Variants in PRKCH observed in about 807,000 individuals in gnomAD.
The protein encoded by PRKCH is protein kinase C eta.
PRKCH carries 28 observed loss-of-function variants against 82.5 expected under a neutral mutation model. The ratio of observed to expected loss-of-function variants is 0.34; its 90% CI spans 0.25 to 0.47. The LOEUF (loss-of-function observed/expected upper bound fraction) is 0.47. PRKCH is among the 20% of genes least tolerant of loss of function. The pLI is 1.00. For missense variants in PRKCH, 705 were observed against 881.8 expected, an observed-to-expected ratio of 0.80 and a Z score of 2.54; for synonymous variants, 322 against 327.4, an observed-to-expected ratio of 0.98 and a Z score of 0.18.
In PRKCH at chr14:61,291,599, G is replaced by A. The variant is rs2045363330; in HGVS notation, c.-19+103931G>A. Among the ~76,000 whole-genome samples, 5 of 152,008 alleles carry A rather than the reference G, an allele frequency of 3.3e-5. No individual in the cohort carries two copies. The South Asian group carries it at 1.0e-3, about 32-fold the overall frequency. On this transcript the variant is annotated intron_variant, in intron 1 of 3. Coordinates refer to the PRKCH transcript ENST00000555185. ...CCCGCCTCGGCCTCCCAAAGTGCTG[G>A]GATTACAGGCGTGAGCCACCATGCC...
At chr14:61,269,042 GA>G (rs1391041717) in intron 1 of PRKCH, among the ~76,000 whole-genome samples, 7 of 152,158 alleles carry the variant, frequency 4.6e-5, no homozygotes, top group African/African-American at 1.4e-4. Context: ...TTGGTGAAAA[GA>G]AAAAAAGTGG....
At chr14:61,538,573 C>T (rs534682084) in intron 12 of PRKCH, among the ~76,000 whole-genome samples, 4 of 152,290 alleles carry the variant, frequency 2.6e-5, no homozygotes, top group African/African-American at 7.2e-5. Context: ...ATAGAGTACT[C>T]ATGCTGCATG....
Position 61,420,451 on chromosome 14 carries a change from G to A in PRKCH, c.428-22660G>A, listed in dbSNP as rs1025694938. Among the ~76,000 whole-genome samples the A allele has an allele frequency of 5.9e-5, 9 of 152,172 alleles. No individual in the cohort carries two copies. The East Asian group carries it at 1.5e-3, about 26-fold the overall frequency. On this transcript the variant is annotated intron_variant, in intron 2 of 13. Coordinates refer to ENST00000332981, the MANE Select transcript of PRKCH (RefSeq NM_006255.5). ...CACTATGTGAGTCACCCTCACCTGC[G>A]GGGAGACGCATAGGCTCAGGGAGGG...
chr14:61,246,767 T>C (rs1226763935), intron 1 of PRKCH, among the ~76,000 whole-genome samples: 1 of 152,178 alleles, frequency 6.6e-6, no homozygotes, highest in Non-Finnish European at 1.5e-5. Flanking sequence ...TTTATTATTT[T>C]TATAGAGACA....
intron 1 of PRKCH, among the ~76,000 whole-genome samples, chr14:61,371,314 A>T (rs557588696): frequency 6.6e-6 from 1 of 152,164 alleles, no homozygotes; most frequent in East Asian, 1.9e-4. Context: ...ATGATACATT[A>T]TTACTAATTA....
chr14:61,221,085 C>T (rs1158774415), intron 1 of PRKCH, among the ~76,000 whole-genome samples: 1 of 151,942 alleles, frequency 6.6e-6, no homozygotes, highest in African/African-American at 2.4e-5. Flanking sequence ...AAATTTAGGA[C>T]AAAGGTGGGG....
intron 1 of PRKCH, among the ~76,000 whole-genome samples, chr14:61,205,356 G>A (rs2044514400): frequency 6.6e-6 from 1 of 152,194 alleles, no homozygotes; most frequent in Admixed American, 6.5e-5. Flanking sequence ...AAGTAGTTGA[G>A]ATTCTGAAGG....
chr14:61,453,018 T>C (rs995740230), intron 6 of PRKCH: 3 of 603,904 alleles, frequency 5.0e-6, no homozygotes, highest in Non-Finnish European at 8.6e-6. Context: ...TTCTTTAGTA[T>C]GCTTGCCTTT....
chr14:61,282,490 G>A (rs1027043890), intron 1 of PRKCH, among the ~76,000 whole-genome samples: 8 of 152,070 alleles, frequency 5.3e-5, no homozygotes, highest in South Asian at 2.1e-4. Flanking sequence ...AACTTGGAAA[G>A]TTAAAATCCT....
intron 1 of PRKCH, among the ~76,000 whole-genome samples, chr14:61,206,657 C>G (rs2140042354): frequency 6.6e-6 from 1 of 152,208 alleles, no homozygotes. Flanking sequence ...CAATTAGAAG[C>G]AAGAGGGCAA....
chr14:61,452,649 C>A (rs995707559), intron 6 of PRKCH: 1 of 153,128 alleles, frequency 6.5e-6, no homozygotes, highest in African/African-American at 2.4e-5. Flanking sequence ...CCACAGGCTG[C>A]AAATGCTGAG....
intron 2 of PRKCH, among the ~76,000 whole-genome samples, chr14:61,410,661 A>G (rs1882216204): frequency 1.3e-5 from 2 of 152,304 alleles, no homozygotes; most frequent in South Asian, 4.1e-4. Context: ...CCAGCATATT[A>G]TTGGATGCTC....
At chr14:61,237,607 A>G (rs1237716965) in intron 1 of PRKCH, among the ~76,000 whole-genome samples, 2 of 152,206 alleles carry the variant, frequency 1.3e-5, no homozygotes, top group East Asian at 1.9e-4. Flanking sequence ...GCTCCTTTCT[A>G]TGGATTCAGG....
At chr14:61,235,001 C>T (rs2044775831) in intron 1 of PRKCH, among the ~76,000 whole-genome samples, 1 of 152,220 alleles carries the variant, frequency 6.6e-6, no homozygotes, top group African/African-American at 2.4e-5. Context: ...TGCACTGCTG[C>T]ATGACCCCCG....
rs76635955 is a variant in PRKCH at position 61,507,618 on chromosome 14, G to A, written c.1434-21457G>A. On this transcript the variant is annotated intron_variant, in intron 10 of 13. Transcript: ENST00000332981. Reference sequence around the variant, plus strand: ...AAAAAGAAGGAAATCCTATCATTCCGGACAGTGTGGATGGGCCTGGAGGAG... The same window carrying A: ...AAAAAGAAGGAAATCCTATCATTCCAGACAGTGTGGATGGGCCTGGAGGAG... Among the ~76,000 whole-genome samples, 2,571 of 152,134 alleles carry A rather than the reference G, an allele frequency of 0.017. 128 individuals carry two copies. In the East Asian group the frequency reaches 0.21, roughly 13 times the overall value.
chr14:61,526,151 C>G (rs559533401), intron 10 of PRKCH, among the ~76,000 whole-genome samples: 1 of 152,324 alleles, frequency 6.6e-6, no homozygotes, highest in African/African-American at 2.4e-5. Flanking sequence ...ACTGGCTGTG[C>G]TCATATTGTA....
chr14:61,411,132 GA>G (rs1415222395), intron 2 of PRKCH, among the ~76,000 whole-genome samples: 9 of 152,190 alleles, frequency 5.9e-5, no homozygotes, highest in Non-Finnish European at 5.9e-5. Context: ...CCATCCAACA[GA>G]GGCTGTCTTC....
chr14:61,371,399 C>T (rs1463360087), intron 1 of PRKCH, among the ~76,000 whole-genome samples: 2 of 152,042 alleles, frequency 1.3e-5, no homozygotes, highest in East Asian at 3.8e-4. Flanking sequence ...ATTCAAGATA[C>T]CACATCATGT....
intron 4 of PRKCH, among the ~76,000 whole-genome samples, chr14:61,448,154 G>C (rs1884316142): frequency 6.6e-6 from 1 of 152,160 alleles, no homozygotes; most frequent in African/African-American, 2.4e-5. Flanking sequence ...CTTTCAATTT[G>C]GTTCTCCTGA....
Sources: gnomAD v4.1 joint callset for allele counts (sites outside exome capture counted in the v4.1 genomes callset) on GRCh38, gnomAD v4.1.1 for gene constraint, MANE v1.5 for transcripts, NCBI Gene and HGNC (gene_info 2026-07-23, HGNC 2026-07-21) for gene names.